KCNT2: variants seen among roughly 807,000 people sequenced by gnomAD.
KCNT2 encodes the protein potassium channel subfamily T member 2.
In KCNT2, 67 loss-of-function variants were observed where a neutral mutation model predicts 153.8. The ratio of observed to expected loss-of-function variants is 0.44; its 90% CI spans 0.36 to 0.53. The LOEUF is 0.53. Ranked by LOEUF, KCNT2 falls within the 20% of genes least tolerant of loss-of-function variation. KCNT2 has a pLI of 0.00. For synonymous variants in KCNT2, 500 were observed against 458.8 expected, an observed-to-expected ratio of 1.09 and a Z score of -1.15; for missense variants, 975 against 1,354.8, an observed-to-expected ratio of 0.72 and a Z score of 4.40.
chr1:196,283,762 C>A (rs918543113), intron 23 of KCNT2, among the ~76,000 whole-genome samples: 2 of 151,858 alleles, frequency 1.3e-5, no homozygotes, highest in African/African-American at 4.8e-5. Flanking sequence ...TTAATGCCAG[C>A]AATTTTTTAA....
At chr1:196,504,190 C>T (rs906152458) in intron 1 of KCNT2, among the ~76,000 whole-genome samples, 26 of 151,408 alleles carry the variant, frequency 1.7e-4, no homozygotes, top group African/African-American at 5.3e-4. Flanking sequence ...CCCATTAACG[C>T]GTCATCTAGC....
intron 26 of KCNT2, among the ~76,000 whole-genome samples, chr1:196,241,565 A>T (rs1654963522): frequency 6.6e-6 from 1 of 152,116 alleles, no homozygotes; most frequent in South Asian, 2.1e-4. Flanking sequence ...TTTCATTATC[A>T]TTCAAAGATT....
chr1:196,548,644 C>G (rs1184042484), intron 1 of KCNT2, among the ~76,000 whole-genome samples: 2 of 152,064 alleles, frequency 1.3e-5, no homozygotes, highest in Admixed American at 6.6e-5. Flanking sequence ...ACCCAGCCAT[C>G]CCATTACTGC....
At chr1:196,482,896 G>A (rs1679124643) in intron 3 of KCNT2, among the ~76,000 whole-genome samples, 1 of 152,030 alleles carries the variant, frequency 6.6e-6, no homozygotes, top group African/African-American at 2.4e-5. Context: ...GGCAAGACAA[G>A]GAGTAATCAT....
chr1:196,322,563 C>T (rs867049031), intron 19 of KCNT2, among the ~76,000 whole-genome samples: 2 of 151,852 alleles, frequency 1.3e-5, no homozygotes, highest in Middle Eastern at 6.8e-3. Flanking sequence ...ACTTATGAGC[C>T]AAAAGCCTCA....
chr1:196,337,157 A>AC (rs1353407896), intron 16 of KCNT2, among the ~76,000 whole-genome samples: 1 of 141,564 alleles, frequency 7.1e-6, no homozygotes, highest in Non-Finnish European at 1.5e-5. Flanking sequence ...TCTTCCCTTC[A>AC]CCCCCGCAAA....
intron 1 of KCNT2, among the ~76,000 whole-genome samples, chr1:196,548,595 G>C (rs1011633948): frequency 1.3e-5 from 2 of 152,014 alleles, no homozygotes; most frequent in African/African-American, 4.8e-5. Context: ...AAGTCAGTGT[G>C]GCGATTCCTC....
At position 196,286,061 on chromosome 1, in the gene KCNT2, T is replaced by A. The variant is rs542992683; in HGVS notation, c.2596-303A>T. On this transcript the variant is annotated intron_variant, in intron 22 of 27. Transcript: ENST00000294725. ...AACAAATAAAAATCATTGAAAAAAATGTGAAAAAAAAACTAACGTCACACG... is the reference window on the plus strand; with the variant it reads ...AACAAATAAAAATCATTGAAAAAAAAGTGAAAAAAAAACTAACGTCACACG... Among the ~76,000 whole-genome samples the A allele has an allele frequency of 2.0e-5, 3 of 151,104 alleles. No individual in the cohort carries two copies. The South Asian group carries it at 6.3e-4, about 31-fold the overall frequency.
chr1:196,312,114 CT>C (rs1267699118), intron 21 of KCNT2, among the ~76,000 whole-genome samples: 4 of 151,456 alleles, frequency 2.6e-5, no homozygotes, highest in African/African-American at 9.7e-5. Flanking sequence ...GGATGGCTTA[CT>C]TGAGTGTCTT....
At chr1:196,323,442 A>T (rs1430450907) in intron 19 of KCNT2, among the ~76,000 whole-genome samples, 1 of 151,846 alleles carries the variant, frequency 6.6e-6, no homozygotes, top group Non-Finnish European at 1.5e-5. Flanking sequence ...TGGTAATCAA[A>T]ATATTTAAAA....
intron 8 of KCNT2, among the ~76,000 whole-genome samples, chr1:196,444,893 C>T (rs1675555611): frequency 6.6e-6 from 1 of 151,300 alleles, no homozygotes; most frequent in Admixed American, 6.6e-5. Context: ...GGCTGAAAAT[C>T]ACTTTAATAC....
chr1:196,437,463 T>G (rs181163496), intron 8 of KCNT2, among the ~76,000 whole-genome samples: 51 of 145,730 alleles, frequency 3.5e-4, no homozygotes, highest in African/African-American at 1.1e-3. Context: ...GTAACACACA[T>G]TTTGTTTATT....
chr1:196,240,133 T>C (rs1167091897), intron 26 of KCNT2, among the ~76,000 whole-genome samples: 1 of 152,040 alleles, frequency 6.6e-6, no homozygotes, highest in South Asian at 2.1e-4. Flanking sequence ...AAAACACATA[T>C]CCATTGTATC....
At chr1:196,585,629 C>T (rs745781186) in intron 1 of KCNT2, among the ~76,000 whole-genome samples, 4 of 151,802 alleles carry the variant, frequency 2.6e-5, no homozygotes, top group East Asian at 1.9e-4. Context: ...GATCACAAAA[C>T]GAATTTGATG....
At chr1:196,589,025 A>G (rs1419152521) in intron 1 of KCNT2, among the ~76,000 whole-genome samples, 1 of 151,992 alleles carries the variant, frequency 6.6e-6, no homozygotes, top group Non-Finnish European at 1.5e-5. Flanking sequence ...AAAGCAACCT[A>G]AATATCTAAC....
intron 26 of KCNT2, among the ~76,000 whole-genome samples, chr1:196,253,275 C>T (rs528043426): frequency 5.3e-5 from 8 of 151,306 alleles, no homozygotes; most frequent in East Asian, 3.9e-4. Flanking sequence ...TACTGTATTT[C>T]GGATAGTCTA....
chr1:196,585,816 G>A (rs1411059956), intron 1 of KCNT2, among the ~76,000 whole-genome samples: 2 of 152,042 alleles, frequency 1.3e-5, no homozygotes, highest in Non-Finnish European at 2.9e-5. Flanking sequence ...AGAAGTACAG[G>A]ATTTAAAACT....
At chr1:196,259,372 C>G (rs953741030) in intron 25 of KCNT2, among the ~76,000 whole-genome samples, 6 of 151,956 alleles carry the variant, frequency 3.9e-5, no homozygotes, top group African/African-American at 1.5e-4. Flanking sequence ...GCTTTTCATA[C>G]TAGGAAGTCA....
intron 22 of KCNT2, among the ~76,000 whole-genome samples, chr1:196,288,068 T>G (rs534577259): frequency 9.1e-4 from 137 of 151,152 alleles, no homozygotes; most frequent in African/African-American, 3.3e-3. Flanking sequence ...TTGGGAAGAG[T>G]GAGTGTTAAG....
Sources: allele counts gnomAD v4.1 joint callset (sites outside exome capture counted in the v4.1 genomes callset), GRCh38; gene constraint gnomAD v4.1.1; transcripts MANE v1.5; gene names NCBI Gene and HGNC (gene_info 2026-07-23, HGNC 2026-07-21).